The following RAD51B variants were observed in gnomAD, a reference collection of about 807,000 sequenced individuals.
RAD51B encodes the protein DNA repair protein RAD51 homolog 2.
Under a neutral mutation model 42.2 loss-of-function variants are expected in RAD51B, and 38 were observed. The observed-to-expected ratio is 0.90, with a 90% confidence interval of 0.70 to 1.18. The LOEUF (loss-of-function observed/expected upper bound fraction) is 1.18. Ranked by LOEUF, RAD51B falls within the 50% of genes most tolerant of loss-of-function variation. RAD51B has a pLI of 0.00. For missense variants in RAD51B, 373 were observed against 400.7 expected, an observed-to-expected ratio of 0.93 and a Z score of 0.59; for synonymous variants, 154 against 145.2, an observed-to-expected ratio of 1.06 and a Z score of -0.43.
rs1487747894 is a variant in RAD51B at position 68,249,548 on chromosome 14, T to A, written c.757-42336T>A. Among the ~76,000 whole-genome samples the A allele has an allele frequency of 1.3e-5, 2 of 152,178 alleles. 1 individual carries two copies. Among genetic ancestry groups the A allele is most frequent in the Admixed American group, 1.3e-4 (2 of 15,286 alleles). ...AAATGTTTTAATCTACAAAAAAAAG[T>A]ACTTAAATCTTGACTTTTCAGGAAC... On this transcript the variant is annotated intron_variant, in intron 7 of 10. Transcript: ENST00000471583.
At chr14:67,915,499 A>T (rs2140123031) in intron 7 of RAD51B, among the ~76,000 whole-genome samples, 1 of 152,244 alleles carries the variant, frequency 6.6e-6, no homozygotes, top group East Asian at 1.9e-4. Flanking sequence ...ATTGGCTTTT[A>T]TCATCTTTGC....
At chr14:68,482,176 G>GGTGTGTGTGTGTGTGTGTGTGTGT (rs66768673), downstream of RAD51B, among the ~76,000 whole-genome samples, 2 of 149,912 alleles carry the variant, frequency 1.3e-5, no homozygotes, top group African/African-American at 2.5e-5. Context: ...ATATTTTAGG[G>GGTGTGTGTGTGTGTGTGTGTGTGT]GTGTGTGTGT....
intron 8 of RAD51B, among the ~76,000 whole-genome samples, chr14:68,318,985 A>G (rs1388697780): frequency 6.6e-6 from 1 of 152,230 alleles, no homozygotes; most frequent in Non-Finnish European, 1.5e-5. Context: ...AGATGCCATC[A>G]GAGGGGAAGT....
chr14:68,435,461 G>T (rs1018454490), intron 9 of RAD51B, among the ~76,000 whole-genome samples: 1 of 148,334 alleles, frequency 6.7e-6, no homozygotes, highest in Non-Finnish European at 1.5e-5. Context: ...GAATAGTGCT[G>T]CAATGAACAT....
chr14:67,834,608 C>A (rs944365432), intron 3 of RAD51B, among the ~76,000 whole-genome samples: 1 of 152,134 alleles, frequency 6.6e-6, no homozygotes, highest in Non-Finnish European at 1.5e-5. Flanking sequence ...TGTATATTTA[C>A]AGTTTGTGTT....
chr14:68,390,631 A>C (rs921316799), intron 8 of RAD51B, among the ~76,000 whole-genome samples: 1 of 152,214 alleles, frequency 6.6e-6, no homozygotes, highest in African/African-American at 2.4e-5. Flanking sequence ...TGTGGCTGGG[A>C]AAAGTGATGG....
At chr14:68,422,055 A>G in intron 9 of RAD51B, 1 of 1,534,426 alleles carries the variant, frequency 6.5e-7, no homozygotes, top group Non-Finnish European at 9.0e-7. Flanking sequence ...GAAACCTTAT[A>G]ACCAAATCCT....
At chr14:68,299,861 A>G (rs774195167) in intron 8 of RAD51B, among the ~76,000 whole-genome samples, 15 of 152,174 alleles carry the variant, frequency 9.9e-5, no homozygotes, top group Non-Finnish European at 1.2e-4. Context: ...TATTCTCTTC[A>G]TTTATCTCAT....
intron 7 of RAD51B, among the ~76,000 whole-genome samples, chr14:67,967,551 C>G (rs553960253): frequency 6.6e-6 from 1 of 152,178 alleles, no homozygotes; most frequent in South Asian, 2.1e-4. Context: ...GAGAAATTGG[C>G]TAAAACAAAG....
chr14:68,462,522 A>G (rs997729246), intron 9 of RAD51B, among the ~76,000 whole-genome samples: 5 of 152,198 alleles, frequency 3.3e-5, no homozygotes, highest in Admixed American at 3.3e-4. Context: ...TACATATTGG[A>G]TATACCTTAA....
chr14:68,305,338 AG>A (rs1253334328), intron 8 of RAD51B, among the ~76,000 whole-genome samples: 1 of 152,246 alleles, frequency 6.6e-6, no homozygotes, highest in Non-Finnish European at 1.5e-5. Context: ...GAACGGTATC[AG>A]GCTTGGCCTC....
intron 4 of RAD51B, among the ~76,000 whole-genome samples, chr14:67,851,529 A>G (rs1220609295): frequency 4.6e-5 from 7 of 152,030 alleles, no homozygotes; most frequent in Admixed American, 2.6e-4. Context: ...TCATGTGGAA[A>G]GCATTCTGGC....
chr14:68,380,786 G>C (rs1343344015), intron 8 of RAD51B, among the ~76,000 whole-genome samples: 2 of 152,192 alleles, frequency 1.3e-5, no homozygotes, highest in East Asian at 3.8e-4. Context: ...CTTAGAACAT[G>C]TGGATTGCAA....
intron 10 of RAD51B, among the ~76,000 whole-genome samples, chr14:68,547,583 A>G (rs1363041709): frequency 6.6e-6 from 1 of 152,186 alleles, no homozygotes; most frequent in African/African-American, 2.4e-5. Flanking sequence ...CAGGAGACAC[A>G]GCACTGGCCT....
intron 10 of RAD51B, among the ~76,000 whole-genome samples, chr14:68,525,331 T>C (rs538724231): frequency 6.6e-6 from 1 of 152,396 alleles, no homozygotes; most frequent in East Asian, 1.9e-4. Flanking sequence ...GTCAGACTTT[T>C]GGCCTCCAGA....
intron 7 of RAD51B, among the ~76,000 whole-genome samples, chr14:68,088,668 T>G (rs1313940038): frequency 2.1e-4 from 19 of 92,336 alleles, no homozygotes; most frequent in African/African-American, 7.1e-4. Context: ...GGGGGGAGAT[T>G]GAGATGGAAA....
At chr14:68,223,796 C>G (rs986464420) in intron 7 of RAD51B, among the ~76,000 whole-genome samples, 1 of 152,182 alleles carries the variant, frequency 6.6e-6, no homozygotes, top group Non-Finnish European at 1.5e-5. Flanking sequence ...CATTCTGTCA[C>G]TAAGATGTAT....
chr14:68,376,576 C>T (rs59918145), intron 8 of RAD51B, among the ~76,000 whole-genome samples: 12,651 of 152,192 alleles, frequency 0.083, 1,750 homozygotes, highest in African/African-American at 0.29. Flanking sequence ...GTAAAAGTCA[C>T]AGCACCTGCC....
chr14:67,918,422 A>G (rs529869698), intron 7 of RAD51B, among the ~76,000 whole-genome samples: 44 of 152,222 alleles, frequency 2.9e-4, no homozygotes, highest in African/African-American at 9.9e-4. Flanking sequence ...TTTAGTAGAG[A>G]CAGGGTTTCA....
Sources: gnomAD v4.1 joint callset for allele counts (sites outside exome capture counted in the v4.1 genomes callset) on GRCh38, gnomAD v4.1.1 for gene constraint, MANE v1.5 for transcripts, NCBI Gene and HGNC (gene_info 2026-07-23, HGNC 2026-07-21) for gene names.